Variants in STAB1 observed in about 807,000 individuals in gnomAD.
STAB1 encodes the protein stabilin-1.
In STAB1, 250 loss-of-function variants were observed where a neutral mutation model predicts 332.4. The ratio of observed to expected loss-of-function variants is 0.75; its 90% CI spans 0.68 to 0.84. STAB1 has a LOEUF of 0.84. Among genes scored for constraint, STAB1 ranks in the 40% least tolerant of loss-of-function variants. The pLI, the probability that STAB1 is intolerant of heterozygous loss-of-function variation, is 0.00. For synonymous variants in STAB1, 1,475 were observed against 1,390.4 expected (o/e 1.06, Z -1.35); for missense variants, 3,249 against 3,489.7 (o/e 0.93, Z 1.74).
chr3:52,505,841 C>G, intron 15 of STAB1, 42 bp from the exon 16 acceptor site: 3 of 1,613,968 alleles, frequency 1.9e-6, no homozygotes, highest in Non-Finnish European at 2.5e-6. Context: ...CACGCTCCCC[C>G]ACAGTTCCTC....
In STAB1 at chr3:52,503,533, C is replaced by T. The variant is rs769485595; in HGVS notation, c.884C>T (p.Pro295Leu). The change falls in exon 8 of 69, where the codon CCG becomes CTG. Residue 295 changes from proline to leucine, a missense_variant. Pro to Leu is a moderately conservative substitution (Grantham distance 98). Transcript: ENST00000321725. ...SNSTLCVYQK[P>L]GQAFCTCRPG... ...TCTACTTTGTGTGTGTACCAGAAGC[C>T]GGGCCAGGTGAGCCAGGGTCCCAGG... 11 of 1,613,088 alleles carry T rather than the reference C, an allele frequency of 6.8e-6. No individual in the cohort carries two copies. Among genetic ancestry groups the T allele is most frequent in the Non-Finnish European group, 9.3e-6 (11 of 1,179,832 alleles).
rs150894102 is a variant in STAB1, at chr3:52,509,473, G to A, written c.2347+152G>A. On this transcript the variant is annotated intron_variant, in intron 22 of 68. Coordinates refer to ENST00000321725, the MANE Select transcript of STAB1 (RefSeq NM_015136.3). ...AGATTTGCCTAAAAATGGGTCTGGGGGCTCTCAAGAAGGGAAACGAAGCCC... is the reference window on the plus strand; with the variant it reads ...AGATTTGCCTAAAAATGGGTCTGGGAGCTCTCAAGAAGGGAAACGAAGCCC... 2.0e-4 allele frequency: 132 copies of A among 674,046 alleles called. 1 individual carries two copies. In the African/African-American group the frequency reaches 2.1e-3, roughly 11 times the overall value. 41.8% of individuals were successfully genotyped at this position (674,046 alleles called of 1,614,324 possible).
Position 52,501,770 on chromosome 3 carries a change from G to A in STAB1, c.331+17G>A, listed in dbSNP as rs1257391765. 1.3e-6 allele frequency: 2 copies of A among 1,551,036 alleles called. No individual in the cohort carries two copies. The highest frequency in any genetic ancestry group is 2.0e-5 in the Admixed American group (1 of 51,226). The stretch of plus-strand genomic sequence containing the variant: ...GGTGCCATGGTATGGGAGAAAGGGG[G>A]ACCCCGCCTTGCGCCTCCCACCCAG... On this transcript the variant is annotated intron_variant, in intron 3 of 68. Transcript: ENST00000321725.
chr3:52,506,653 A>G (rs992569971), intron 17 of STAB1, 39 bp from the exon 18 acceptor site: 5 of 1,574,144 alleles, frequency 3.2e-6, no homozygotes, highest in Admixed American at 3.5e-5. Context: ...GGCCAAGGCC[A>G]GCCAGGCTGG....
chr3:52,517,309 T>C lies in STAB1; in HGVS notation c.4490-11T>C. 1 of 1,558,438 alleles carries C rather than the reference T, an allele frequency of 6.4e-7. No individual in the cohort carries two copies. Among genetic ancestry groups the C allele is most frequent in the African/African-American group, 1.4e-5 (1 of 72,878 alleles). ...TAAGGGCCACCCCCATCCCAGTGTC[T>C]CTTCCCCCAGAAATTAACAGCTGTC... is the stretch of plus-strand genomic sequence containing the variant. On this transcript the variant is annotated splice_polypyrimidine_tract_variant and intron_variant, in intron 42 of 68. Coordinates refer to ENST00000321725, the MANE Select transcript of STAB1 (RefSeq NM_015136.3).
rs779735942 is a variant in STAB1, at chr3:52,520,949, TCAC to T, written c.5860_5862del (p.Thr1954del). The T allele has an allele frequency of 1.5e-5, 24 of 1,585,674 alleles. No homozygotes were observed. Among genetic ancestry groups the T allele is most frequent in the Non-Finnish European group, 2.0e-5 (23 of 1,165,866 alleles). On this transcript the variant is annotated inframe_deletion, in exon 55 of 69. Coordinates refer to ENST00000321725, the MANE Select transcript of STAB1 (RefSeq NM_015136.3). The stretch of plus-strand genomic sequence containing the variant: ...GGCAGGGGCTGCCACCGCAATTGTG[TCAC>T]CACCACCTGGAAGCCCAGCTGCTGC...
At chr3:52,499,113 A>G (rs1708249821) in intron 1 of STAB1, among the ~76,000 whole-genome samples, 1 of 152,216 alleles carries the variant, frequency 6.6e-6, no homozygotes. Context: ...CCTTTGGACC[A>G]CAGTGTGGTC....
At chr3:52,513,093 C>A (rs1444545208) in intron 29 of STAB1, 37 bp from the exon 30 acceptor site, 5 of 1,554,292 alleles carry the variant, frequency 3.2e-6, no homozygotes, top group East Asian at 4.8e-5. Flanking sequence ...GTTACACTAA[C>A]CTGATTCCAT....
intron 17 of STAB1, 76 bp from the exon 18 acceptor site, chr3:52,506,616 C>G: frequency 1.4e-6 from 2 of 1,469,172 alleles, no homozygotes; most frequent in Non-Finnish European, 1.8e-6. Context: ...AACTGGGCTG[C>G]AGGGGTGGAG....
intron 44 of STAB1, 85 bp downstream of exon 44, chr3:52,517,709 G>T: frequency 6.4e-7 from 1 of 1,567,040 alleles, no homozygotes. Flanking sequence ...CTCCAGCAGG[G>T]TCCTAAGGGC....
Position 52,505,281 on chromosome 3 carries a change from C to T in STAB1, c.1519-38C>T, listed in dbSNP as rs1388010697. 5 of 1,612,298 alleles carry T rather than the reference C, an allele frequency of 3.1e-6. No homozygotes were observed. The South Asian group carries it at 5.5e-5, about 18-fold the overall frequency. Reference sequence around the variant, plus strand: ...CCCCGCTGGGCTGAAGCAGCCTCACCCCTTCCCTGGGGCCCTCACACTCAT... The same window carrying T: ...CCCCGCTGGGCTGAAGCAGCCTCACTCCTTCCCTGGGGCCCTCACACTCAT... On this transcript the variant is annotated intron_variant, in intron 13 of 68. Transcript: ENST00000321725.
chr3:52,501,123 C>A, intron 1 of STAB1, 43 bp from the exon 2 acceptor site: 1 of 1,598,092 alleles, frequency 6.3e-7, no homozygotes, highest in Non-Finnish European at 8.6e-7. Context: ...CAGGACTGGG[C>A]GTGGGGTCCA....
In STAB1 at chr3:52,512,614, C is replaced by T. The variant is rs1485534448; in HGVS notation, c.2998C>T (p.His1000Tyr). Residue 1000 changes from histidine (H) to tyrosine (Y), a missense_variant, in exon 28 of 69, where the codon CAC (histidine) becomes TAC (tyrosine). Transcript: ENST00000321725. ...DIFRELEANA[H>Y]FSIFYQWLKS... is the part of the protein sequence containing the mutation. ...CCCTTAGGAGCTGGAGGCAAATGCC[C>T]ACTTCTCCATCTTCTACCAATGGCT... 2.5e-6 allele frequency: 4 copies of T among 1,613,864 alleles called. No individual in the cohort carries two copies. Among genetic ancestry groups the T allele is most frequent in the Admixed American group, 3.3e-5 (2 of 60,020 alleles).
In STAB1 at chr3:52,521,343, C is replaced by T; in HGVS notation, c.5909-18C>T. 3.1e-6 allele frequency: 5 copies of T among 1,613,642 alleles called. No individual in the cohort carries two copies. The highest frequency in any genetic ancestry group is 4.2e-6 in the Non-Finnish European group (5 of 1,179,994). ...GAGAGCCCCTGGCCCCACCTCACTT[C>T]TCCTACCCCATCCCCAGCTTGCCCT... On this transcript the variant is annotated intron_variant, in intron 55 of 68. Transcript: ENST00000321725.
Position 52,520,521 on chromosome 3 carries a change from A to G in STAB1, c.5621A>G (p.Asp1874Gly). 3 of 1,612,256 alleles carry G rather than the reference A, an allele frequency of 1.9e-6. No homozygotes were observed. The highest frequency in any genetic ancestry group is 2.5e-6 in the Non-Finnish European group (3 of 1,179,700). ...LEPPGLGARC[D>G]HFETRPLRLN... ...CCACCTGGCCTTGGTGCTCGCTGTG[A>G]CCACTTTGAGACCCGGCCCCTGCGA... Residue 1874 changes from aspartate (D) to glycine (G), a missense_variant, in exon 53 of 69, where the codon GAC becomes GGC. Coordinates refer to ENST00000321725, the MANE Select transcript of STAB1 (RefSeq NM_015136.3).
chr3:52,505,137 T>G lies in STAB1; in HGVS notation c.1512T>G (p.Asp504Glu), dbSNP rs767872250. The G allele has an allele frequency of 6.2e-7, 1 of 1,612,842 alleles. No homozygotes were observed. The highest frequency in any genetic ancestry group is 1.1e-5 in the South Asian group (1 of 91,058). Residue 504 changes from aspartate (D) to glutamate (E), a missense_variant, in exon 13 of 69, where the codon GAT becomes GAG. By Grantham distance (45) the Asp-to-Glu change is conservative. Coordinates refer to ENST00000321725, the MANE Select transcript of STAB1 (RefSeq NM_015136.3). ...RWQAPSGTPGDPKRTIGQILA... is the reference protein window; with the variant it reads ...RWQAPSGTPGEPKRTIGQILA... ...AGGCCCCCTCTGGGACCCCTGGGGA[T>G]CCCAAGGTGAGCCAGCATCCTCCCC...
chr3:52,522,086 C>G lies in STAB1; in HGVS notation c.6321C>G (p.Asn2107Lys). 1 of 1,613,290 alleles carries G rather than the reference C, an allele frequency of 6.2e-7. No homozygotes were observed. Among genetic ancestry groups the G allele is most frequent in the Non-Finnish European group, 8.5e-7 (1 of 1,180,028 alleles). Residue 2107 changes from asparagine (N) to lysine (K), a missense_variant, in exon 59 of 69, where the codon AAC becomes AAG. Physicochemically the swap from Asn to Lys is moderately conservative, Grantham distance 94. Coordinates refer to ENST00000321725, the MANE Select transcript of STAB1 (RefSeq NM_015136.3). Reference protein sequence around the residue: ...DGHGGCSEHANCSQVGTMVTC... With the variant: ...DGHGGCSEHAKCSQVGTMVTC... ...ATGGTGGCTGCAGTGAGCACGCCAA[C>G]TGTAGCCAGGTAGGAACAATGGTCA...
At position 52,523,009 on chromosome 3, in the gene STAB1, CCTG is replaced by C; in HGVS notation, c.6911-13_6911-11del. 6.3e-7 allele frequency: 1 copy of C among 1,584,914 alleles called. No individual in the cohort carries two copies. The highest frequency in any genetic ancestry group is 2.2e-5 in the East Asian group (1 of 44,458). On this transcript the variant is annotated splice_polypyrimidine_tract_variant and intron_variant, in intron 62 of 68. Transcript: ENST00000321725. ...TCCCACCAATCTGCTGAGCCACTGA[CCTG>C]CTTTTCCTGCAGATGTGGCCTGCCG...
chr3:52,507,145 A>G (rs1284451559), intron 18 of STAB1, among the ~76,000 whole-genome samples: 1 of 152,204 alleles, frequency 6.6e-6, no homozygotes, highest in Non-Finnish European at 1.5e-5. Context: ...CCTGGGTTCA[A>G]GCGATTCTCC....
Sources: gnomAD v4.1 joint callset for allele counts (sites outside exome capture counted in the v4.1 genomes callset) on GRCh38, gnomAD v4.1.1 for gene constraint, MANE v1.5 for transcripts, NCBI Gene and HGNC (gene_info 2026-07-23, HGNC 2026-07-21) for gene names.